Variants in CDH13 observed in about 807,000 individuals in gnomAD.
CDH13 encodes cadherin-13.
In CDH13, 24 loss-of-function variants were observed where a neutral mutation model predicts 63.8. The ratio of observed to expected loss-of-function variants is 0.38; its 90% CI spans 0.27 to 0.53. The LOEUF (loss-of-function observed/expected upper bound fraction) is 0.53, where lower values mean the gene tolerates loss of function less well. Among genes scored for constraint, CDH13 ranks in the 20% least tolerant of loss-of-function variants. The pLI is 0.85. For synonymous variants in CDH13, 503 were observed against 355.3 expected (o/e 1.42, Z -4.67); for missense variants, 1,049 against 903.1 (o/e 1.16, Z -2.07).
At chr16:82,876,353 T>C (rs1238432591) in intron 2 of CDH13, among the ~76,000 whole-genome samples, 1 of 152,248 alleles carries the variant, frequency 6.6e-6, no homozygotes, top group Non-Finnish European at 1.5e-5. Context: ...TTTTCCTAGA[T>C]AATTAAATAA....
chr16:82,691,126 T>C (rs1334217513), intron 1 of CDH13, among the ~76,000 whole-genome samples: 1 of 152,182 alleles, frequency 6.6e-6, no homozygotes, highest in Admixed American at 6.5e-5. Flanking sequence ...GACTCAGAGA[T>C]ATAACAATCA....
chr16:83,368,883 GTTATATATATATATATATAT>G (rs1456236482), intron 6 of CDH13, among the ~76,000 whole-genome samples: 22 of 25,342 alleles, frequency 8.7e-4, no homozygotes, highest in African/African-American at 2.1e-3. Context: ...AGTATTCCAT[GTTATATATATATATATATAT>G]ATATATATAT....
At position 83,094,693 on chromosome 16, in the gene CDH13, C is replaced by G. The variant is rs532275211; in HGVS notation, c.367-30692C>G. 1.3e-5 allele frequency among the ~76,000 whole-genome samples: 2 copies of G among 152,174 alleles called. 1 individual carries two copies. The highest frequency in any genetic ancestry group is 4.1e-4 in the South Asian group (2 of 4,832). The stretch of plus-strand genomic sequence containing the variant: ...AAGGGATCTGAGCAGCAAATCCCAT[C>G]GTCCTGTATTTTCATTGAAGTAGCA... On this transcript the variant is annotated intron_variant, in intron 3 of 13. Transcript: ENST00000567109.
intron 1 of CDH13, among the ~76,000 whole-genome samples, chr16:82,703,631 G>C (rs919456057): frequency 1.3e-5 from 2 of 152,012 alleles, no homozygotes; most frequent in Non-Finnish European, 2.9e-5. Flanking sequence ...ACTTACATTC[G>C]AGAACTAATT....
chr16:83,104,670 A>T (rs73600136), intron 3 of CDH13, among the ~76,000 whole-genome samples: 4,770 of 152,128 alleles, frequency 0.031, 250 homozygotes, highest in African/African-American at 0.11. Flanking sequence ...AATATTGTGA[A>T]TAACTCCCCA....
intron 3 of CDH13, among the ~76,000 whole-genome samples, chr16:83,076,980 C>A (rs971719526): frequency 6.6e-6 from 1 of 151,944 alleles, no homozygotes; most frequent in Non-Finnish European, 1.5e-5. Context: ...AAGATAGAAA[C>A]CATCATTATG....
chr16:82,628,392 G>A (rs1490737403), intron 1 of CDH13, among the ~76,000 whole-genome samples: 1 of 152,140 alleles, frequency 6.6e-6, no homozygotes, highest in South Asian at 2.1e-4. Flanking sequence ...GGGGAAGGGA[G>A]TTGGGTTCCC....
chr16:83,468,197 G>T (rs752911936), intron 6 of CDH13, among the ~76,000 whole-genome samples: 19 of 152,178 alleles, frequency 1.2e-4, no homozygotes, highest in Non-Finnish European at 1.5e-4. Flanking sequence ...AAGGGTCTGG[G>T]GATGAGAGTA....
chr16:83,106,252 C>G (rs990456641), intron 3 of CDH13, among the ~76,000 whole-genome samples: 1 of 152,078 alleles, frequency 6.6e-6, no homozygotes, highest in African/African-American at 2.4e-5. Flanking sequence ...ACTTAACATA[C>G]AAGCAGGCCA....
chr16:83,753,205 T>C (rs1045186018), intron 11 of CDH13, among the ~76,000 whole-genome samples: 1 of 152,138 alleles, frequency 6.6e-6, no homozygotes, highest in Non-Finnish European at 1.5e-5. Flanking sequence ...AAAACTTACC[T>C]CTAGTATTAT....
At chr16:82,723,831 G>T (rs998508309) in intron 1 of CDH13, among the ~76,000 whole-genome samples, 3 of 152,126 alleles carry the variant, frequency 2.0e-5, no homozygotes, top group Non-Finnish European at 4.4e-5. Context: ...CATGTGCTAG[G>T]TTCTCAGTGT....
At chr16:83,674,754 G>C (rs190647169) in intron 9 of CDH13, among the ~76,000 whole-genome samples, 1 of 152,182 alleles carries the variant, frequency 6.6e-6, no homozygotes, top group Non-Finnish European at 1.5e-5. Flanking sequence ...TGTCGGCTTC[G>C]TCTTTAAAAC....
intron 7 of CDH13, among the ~76,000 whole-genome samples, chr16:83,590,254 G>A (rs555255202): frequency 4.3e-4 from 65 of 152,272 alleles, no homozygotes; most frequent in African/African-American, 1.6e-3. Context: ...GACCAACCTG[G>A]AAGCTGTTGC....
intron 13 of CDH13, among the ~76,000 whole-genome samples, chr16:83,784,008 A>ATTAT (rs1205781236): frequency 6.6e-6 from 1 of 152,226 alleles, no homozygotes. Context: ...TAACAAATGA[A>ATTAT]TTATTATGCC....
At chr16:82,775,273 T>C (rs1469344222) in intron 1 of CDH13, among the ~76,000 whole-genome samples, 1 of 152,228 alleles carries the variant, frequency 6.6e-6, no homozygotes, top group East Asian at 1.9e-4. Context: ...GTAATCATGA[T>C]ATACAAGAAA....
chr16:83,148,230 G>A (rs1461109707), intron 4 of CDH13, among the ~76,000 whole-genome samples: 1 of 152,192 alleles, frequency 6.6e-6, no homozygotes, highest in Non-Finnish European at 1.5e-5. Context: ...GAGCCACTGT[G>A]CCCAGTTTGA....
chr16:83,299,644 A>G (rs749000625), intron 5 of CDH13, among the ~76,000 whole-genome samples: 1 of 152,222 alleles, frequency 6.6e-6, no homozygotes. Flanking sequence ...AGCATCTCTT[A>G]ACCTCCTCTC....
intron 8 of CDH13, among the ~76,000 whole-genome samples, chr16:83,609,798 C>T (rs9928439): frequency 4.1e-4 from 63 of 151,930 alleles, no homozygotes; most frequent in Non-Finnish European, 8.2e-4. Flanking sequence ...ACAGAGTTGT[C>T]GAATTATCAT....
intron 7 of CDH13, among the ~76,000 whole-genome samples, chr16:83,527,843 A>G (rs1457185847): frequency 1.3e-5 from 2 of 152,224 alleles, no homozygotes; most frequent in African/African-American, 4.8e-5. Flanking sequence ...TCCATATCAC[A>G]CTGTAAAGTA....
Sources: gnomAD v4.1 joint callset for allele counts (sites outside exome capture counted in the v4.1 genomes callset) on GRCh38, gnomAD v4.1.1 for gene constraint, MANE v1.5 for transcripts, NCBI Gene and HGNC (gene_info 2026-07-23, HGNC 2026-07-21) for gene names.